The following CYP19A1 variants were observed in gnomAD, a reference collection of about 807,000 sequenced individuals.
CYP19A1 encodes the protein cytochrome P450 family 19 subfamily A member 1, also known as aromatase.
In CYP19A1, 32 loss-of-function variants were observed where a neutral mutation model predicts 44.4. The observed-to-expected ratio is 0.72, with a 90% CI of 0.54 to 0.97. CYP19A1 has a LOEUF of 0.97. Among genes scored for constraint, CYP19A1 ranks in the 50% least tolerant of loss-of-function variants. CYP19A1 has a pLI of 0.00. For missense variants in CYP19A1, 598 were observed against 637.8 expected, an observed-to-expected ratio of 0.94 and a Z score of 0.67; for synonymous variants, 212 against 215.6, an observed-to-expected ratio of 0.98 and a Z score of 0.14.
chr15:51,230,458 A>T (rs2032939384), intron 3 of CYP19A1, among the ~76,000 whole-genome samples: 1 of 152,170 alleles, frequency 6.6e-6, no homozygotes, highest in Non-Finnish European at 1.5e-5. Flanking sequence ...ATCTCCAAAG[A>T]TGGCAAACCT....
chr15:51,320,755 G>A (rs1340970306), intron 1 of CYP19A1, among the ~76,000 whole-genome samples: 1 of 152,208 alleles, frequency 6.6e-6, no homozygotes, highest in African/African-American at 2.4e-5. Flanking sequence ...TGTGAGCCAT[G>A]TAAGTAATCT....
chr15:51,275,358 T>C (rs555834148), intron 1 of CYP19A1, among the ~76,000 whole-genome samples: 36 of 152,350 alleles, frequency 2.4e-4, no homozygotes, highest in African/African-American at 7.5e-4. Flanking sequence ...TGTGAAAAGA[T>C]GCCTAAATCT....
chr15:51,287,097 A>C (rs566500357), intron 1 of CYP19A1, among the ~76,000 whole-genome samples: 1 of 152,326 alleles, frequency 6.6e-6, no homozygotes, highest in East Asian at 1.9e-4. Flanking sequence ...ATCCAATGAC[A>C]GCTAGTGCAC....
chr15:51,295,473 G>GA (rs1300876525), intron 1 of CYP19A1, among the ~76,000 whole-genome samples: 1 of 152,130 alleles, frequency 6.6e-6, no homozygotes, highest in Non-Finnish European at 1.5e-5. Flanking sequence ...TTTTCCCCAT[G>GA]AATCTGTGAG....
Position 51,235,042 on chromosome 15 carries a change from G to C in CYP19A1, c.296+1817C>G, listed in dbSNP as rs531924747. Among the ~76,000 whole-genome samples the C allele has an allele frequency of 2.0e-5, 3 of 152,300 alleles. No homozygotes were observed. The South Asian group carries it at 6.2e-4, about 32-fold the overall frequency. On this transcript the variant is annotated intron_variant, in intron 3 of 9. Coordinates refer to ENST00000396402, the MANE Select transcript of CYP19A1 (RefSeq NM_000103.4). The stretch of plus-strand genomic sequence containing the variant: ...AAGGCAGGTGGCTGTGCGGGGAAAT[G>C]AAAGAGCAGCGGCAAATGTCCCTAC...
chr15:51,269,585 A>G (rs1368596766), intron 1 of CYP19A1, among the ~76,000 whole-genome samples: 1 of 152,124 alleles, frequency 6.6e-6, no homozygotes, highest in Non-Finnish European at 1.5e-5. Flanking sequence ...TATTTGGAGC[A>G]TAGTTGACAG....
chr15:51,299,848 C>T (rs1477199429), intron 1 of CYP19A1, among the ~76,000 whole-genome samples: 3 of 152,142 alleles, frequency 2.0e-5, no homozygotes, highest in Admixed American at 2.0e-4. Context: ...GTTGTTGAGT[C>T]CAGAAGAGGG....
At chr15:51,300,714 A>G (rs534164756) in intron 1 of CYP19A1, among the ~76,000 whole-genome samples, 1 of 152,258 alleles carries the variant, frequency 6.6e-6, no homozygotes, top group Non-Finnish European at 1.5e-5. Context: ...TTTCCCTCCT[A>G]CAGCAAACAC....
chr15:51,223,805 G>A (rs1000466676), intron 4 of CYP19A1, among the ~76,000 whole-genome samples: 11 of 152,132 alleles, frequency 7.2e-5, no homozygotes, highest in African/African-American at 2.4e-4. Context: ...GAAAGGCCAG[G>A]ATGTTGTTCT....
At chr15:51,293,045 G>A (rs1303187249) in intron 1 of CYP19A1, among the ~76,000 whole-genome samples, 3 of 151,904 alleles carry the variant, frequency 2.0e-5, no homozygotes, top group East Asian at 1.9e-4. Context: ...ACAATTGGCC[G>A]AGCTGTGGGA....
rs536253487 is a variant in CYP19A1 at position 51,219,366 on chromosome 15, T to TA, written c.629-712dup. 3.0e-4 allele frequency among the ~76,000 whole-genome samples: 46 copies of TA among 152,334 alleles called. No homozygotes were observed. The East Asian group carries it at 8.9e-3, about 29-fold the overall frequency. On this transcript the variant is annotated intron_variant, in intron 5 of 9. Transcript: ENST00000396402. ...CCTTATTTTTTCAAATTATACCAGA[T>TA]AATATACAAAAGAGAGAACAGACAT...
chr15:51,237,062 A>G, intron 2 of CYP19A1, 53 bp from the exon 3 acceptor site: 1 of 1,606,536 alleles, frequency 6.2e-7, no homozygotes, highest in South Asian at 1.1e-5. Flanking sequence ...AAAAATTGCA[A>G]CTGTTTTGTG....
intron 1 of CYP19A1, among the ~76,000 whole-genome samples, chr15:51,334,940 A>C (rs2036754363): frequency 6.6e-6 from 1 of 152,202 alleles, no homozygotes; most frequent in Admixed American, 6.5e-5. Flanking sequence ...GACACAGGAC[A>C]CTCTGATGAG....
At chr15:51,223,622 C>A (rs1323643414) in intron 4 of CYP19A1, among the ~76,000 whole-genome samples, 1 of 149,734 alleles carries the variant, frequency 6.7e-6, no homozygotes, top group Non-Finnish European at 1.5e-5. Flanking sequence ...CACACACACA[C>A]ACACACACAC....
intron 1 of CYP19A1, among the ~76,000 whole-genome samples, chr15:51,294,691 C>T (rs578235315): frequency 7.2e-6 from 1 of 139,274 alleles, no homozygotes; most frequent in East Asian, 2.2e-4. Context: ...GGGGGTCAGC[C>T]CCCCGCCCGG....
At chr15:51,213,068 C>A (rs1204538418) in intron 8 of CYP19A1, among the ~76,000 whole-genome samples, 1 of 152,216 alleles carries the variant, frequency 6.6e-6, no homozygotes, top group African/African-American at 2.4e-5. Flanking sequence ...AGAGATGATG[C>A]ACAGGCTGCT....
intron 1 of CYP19A1, among the ~76,000 whole-genome samples, chr15:51,285,649 T>C (rs186498688): frequency 6.6e-6 from 1 of 152,172 alleles, no homozygotes; most frequent in Admixed American, 6.5e-5. Flanking sequence ...CTCCCCATTA[T>C]CTCAAGTAGG....
chr15:51,240,384 C>A (rs1293449607), intron 2 of CYP19A1, among the ~76,000 whole-genome samples: 1 of 152,122 alleles, frequency 6.6e-6, no homozygotes, highest in Non-Finnish European at 1.5e-5. Flanking sequence ...AACACACCAA[C>A]CTCACCAGAG....
intron 1 of CYP19A1, among the ~76,000 whole-genome samples, chr15:51,326,724 A>G (rs933586668): frequency 6.6e-6 from 1 of 152,208 alleles, no homozygotes; most frequent in African/African-American, 2.4e-5. Flanking sequence ...AAACCTTAAT[A>G]TGAGACCCAG....
Sources: gnomAD v4.1 joint callset for allele counts (sites outside exome capture counted in the v4.1 genomes callset) on GRCh38, gnomAD v4.1.1 for gene constraint, MANE v1.5 for transcripts, NCBI Gene and HGNC (gene_info 2026-07-23, HGNC 2026-07-21) for gene names.